Variants in CLHC1 observed in about 807,000 individuals in gnomAD.
CLHC1 encodes the protein clathrin heavy chain linker domain-containing protein 1.
A neutral mutation model predicts 69.5 loss-of-function variants in CLHC1; 72 were observed. The ratio of observed to expected loss-of-function variants is 1.04; its 90% CI spans 0.86 to 1.26. CLHC1 has a LOEUF of 1.26. Ranked by LOEUF, CLHC1 falls within the 50% of genes most tolerant of loss-of-function variation. The pLI is 0.00. For synonymous variants in CLHC1, 223 were observed against 224.3 expected, an observed-to-expected ratio of 0.99 and a Z score of 0.05; for missense variants, 790 against 679.3, an observed-to-expected ratio of 1.16 and a Z score of -1.81.
At chr2:55,228,728 T>C (rs990989633) in intron 1 of CLHC1, among the ~76,000 whole-genome samples, 1 of 152,198 alleles carries the variant, frequency 6.6e-6, no homozygotes, top group Non-Finnish European at 1.5e-5. Flanking sequence ...CTACATTTAT[T>C]TATTCAATAT....
intron 9 of CLHC1, among the ~76,000 whole-genome samples, chr2:55,188,602 A>G (rs1464193870): frequency 2.6e-5 from 4 of 152,212 alleles, no homozygotes; most frequent in Non-Finnish European, 5.9e-5. Context: ...TCTTAGATAC[A>G]TATCCCAGAG....
chr2:55,228,472 T>C (rs570540872), intron 1 of CLHC1, among the ~76,000 whole-genome samples: 1 of 151,334 alleles, frequency 6.6e-6, no homozygotes, highest in South Asian at 2.1e-4. Context: ...AAGATTACCA[T>C]TCATTCATTC....
At chr2:55,209,873 T>G (rs376765923) in intron 5 of CLHC1, 42 bp from the exon 6 acceptor site, 3 of 1,310,662 alleles carry the variant, frequency 2.3e-6, no homozygotes, top group Non-Finnish European at 3.3e-6. Flanking sequence ...AAGCCATGTG[T>G]GGGACGCTTG....
At position 55,181,729 on chromosome 2, in the gene CLHC1, C is replaced by T. The variant is rs771026036; in HGVS notation, c.1022G>A (p.Arg341Lys). The change falls in exon 10 of 13, where the codon AGA becomes AAA. Residue 341 changes from arginine (R) to lysine (K), a missense_variant. Coordinates refer to ENST00000401408, the MANE Select transcript of CLHC1 (RefSeq NM_152385.4). ...MNTFKAVGKIRGKPLPLLLFF... is the reference protein window; with the variant it reads ...MNTFKAVGKIKGKPLPLLLFF... ...TAAGAGTAATGGAAGAGGCTTTCCT[C>T]TAATTTTTCCAACAGCTACAGAAAG... 12 of 1,611,410 alleles carry T rather than the reference C, an allele frequency of 7.4e-6. No individual in the cohort carries two copies. The highest frequency in any genetic ancestry group is 1.0e-5 in the Non-Finnish European group (12 of 1,179,348).
intron 9 of CLHC1, among the ~76,000 whole-genome samples, chr2:55,196,735 T>A (rs1671458065): frequency 6.6e-6 from 1 of 152,198 alleles, no homozygotes; most frequent in African/African-American, 2.4e-5. Context: ...GACTCTGAGA[T>A]ATGCTGACTT....
intron 2 of CLHC1, among the ~76,000 whole-genome samples, chr2:55,223,818 C>T (rs565643423): frequency 1.3e-5 from 2 of 151,002 alleles, no homozygotes; most frequent in African/African-American, 2.4e-5. Flanking sequence ...TTTTTTGAGA[C>T]GGAGTCTCGC....
At chr2:55,216,624 C>T (rs1328790750) in intron 4 of CLHC1, among the ~76,000 whole-genome samples, 1 of 151,932 alleles carries the variant, frequency 6.6e-6, no homozygotes, top group Non-Finnish European at 1.5e-5. Flanking sequence ...GTATCCATCT[C>T]TCAAGCTCAA....
At chr2:55,212,840 A>G (rs1055971419) in intron 4 of CLHC1, 34 bp from the exon 5 acceptor site, 2 of 1,506,060 alleles carry the variant, frequency 1.3e-6, no homozygotes, top group Non-Finnish European at 1.8e-6. Context: ...ATGTCTTTCA[A>G]CTAACTTAAT....
intron 9 of CLHC1, among the ~76,000 whole-genome samples, chr2:55,182,918 A>G (rs1275979118): frequency 6.6e-6 from 1 of 152,144 alleles, no homozygotes; most frequent in Non-Finnish European, 1.5e-5. Context: ...TCCTGAATCA[A>G]TAAAAGGCAC....
chr2:55,177,771 C>T lies in CLHC1; in HGVS notation c.1395G>A (p.Leu465=). The part of the protein sequence containing the change: ...QLKDFTTDDL[L]QLLMSCPQVE... ...CTTGGGGACATGACATTAATAGCTG[C>T]AACAGGTCATCTGAAGGCAAAAATG... The change falls in exon 12 of 13, where the codon TTG becomes TTA. Residue 465 remains leucine, a synonymous_variant. Coordinates refer to ENST00000401408, the MANE Select transcript of CLHC1 (RefSeq NM_152385.4). 6.2e-7 allele frequency: 1 copy of T among 1,604,062 alleles called. No individual in the cohort carries two copies. The highest frequency in any genetic ancestry group is 8.5e-7 in the Non-Finnish European group (1 of 1,176,052).
At chr2:55,223,718 G>T (rs1294219756) in intron 2 of CLHC1, among the ~76,000 whole-genome samples, 1 of 152,102 alleles carries the variant, frequency 6.6e-6, no homozygotes, top group Admixed American at 6.5e-5. Context: ...GCCCCCAGGA[G>T]CCTCGGCAGG....
chr2:55,231,120 G>A (rs1269820865), intron 1 of CLHC1, among the ~76,000 whole-genome samples: 2 of 151,902 alleles, frequency 1.3e-5, no homozygotes, highest in African/African-American at 4.8e-5. Context: ...TGTGGTGGTG[G>A]GCGCCTGTAA....
At chr2:55,195,198 A>T (rs1420151520) in intron 9 of CLHC1, among the ~76,000 whole-genome samples, 2 of 151,926 alleles carry the variant, frequency 1.3e-5, no homozygotes, top group Non-Finnish European at 2.9e-5. Flanking sequence ...TCCCCCACCT[A>T]CCCTGTCCTT....
At position 55,185,160 on chromosome 2, in the gene CLHC1, T is replaced by C. The variant is rs1312701067; in HGVS notation, c.1007-3416A>G. ...AAGCCAGAAAATAGAGAGTAGAAACTAGCATAGCAGACGCAGAGCCTTAAA... is the reference window on the plus strand; with the variant it reads ...AAGCCAGAAAATAGAGAGTAGAAACCAGCATAGCAGACGCAGAGCCTTAAA... On this transcript the variant is annotated intron_variant, in intron 9 of 12. Transcript: ENST00000401408. 2.0e-5 allele frequency among the ~76,000 whole-genome samples: 3 copies of C among 152,044 alleles called. No individual in the cohort carries two copies. In the South Asian group the frequency reaches 6.2e-4, roughly 32 times the overall value.
At chr2:55,177,947 C>T (rs1393745911) in intron 11 of CLHC1, among the ~76,000 whole-genome samples, 166 bp from the exon 12 acceptor site, 4 of 115,498 alleles carry the variant, frequency 3.5e-5, no homozygotes, top group Non-Finnish European at 6.2e-5. Context: ...TCCCCTAGCC[C>T]CCGTCAAAAA....
chr2:55,175,593 G>T lies in CLHC1; in HGVS notation c.*197C>A. On this transcript the variant is annotated 3_prime_UTR_variant, in exon 13 of 13. Coordinates refer to ENST00000401408, the MANE Select transcript of CLHC1 (RefSeq NM_152385.4). Reference sequence around the variant, plus strand: ...TTTATCAAGATTCAATATAAGAAATGACCATATGGGGAAAAGGAAGCAATA... The same window carrying T: ...TTTATCAAGATTCAATATAAGAAATTACCATATGGGGAAAAGGAAGCAATA... 3.8e-6 allele frequency: 2 copies of T among 520,076 alleles called. No homozygotes were observed. The highest frequency in any genetic ancestry group is 2.9e-5 in the East Asian group (1 of 34,178). 32.2% of individuals were successfully genotyped at this position (520,076 alleles called of 1,614,324 possible). A position where few individuals can be genotyped will look rare whatever the true frequency, so the allele number is the denominator to read the frequency against.
chr2:55,196,252 G>A (rs1004732111), intron 9 of CLHC1, among the ~76,000 whole-genome samples: 8 of 152,130 alleles, frequency 5.3e-5, no homozygotes, highest in Admixed American at 3.9e-4. Context: ...CTTGAAAGGC[G>A]GTCTGCACCA....
In CLHC1 at chr2:55,175,269, T is replaced by A. The variant is rs749520565; in HGVS notation, c.*521A>T. 6.6e-6 allele frequency: 1 copy of A among 152,562 alleles called. No homozygotes were observed. The highest frequency in any genetic ancestry group is 1.5e-5 in the Non-Finnish European group (1 of 68,302). The allele number at this position is 152,562 out of a possible 1,614,324, so 9.5% of individuals were successfully genotyped here. ...AGCTTTTATACTAGAAGCCTAAGCT[T>A]TGCCATATTTATATATATCAAAGCA... is the stretch of plus-strand genomic sequence containing the variant. On this transcript the variant is annotated 3_prime_UTR_variant, in exon 13 of 13. Transcript: ENST00000401408.
In CLHC1 at chr2:55,177,730, C is replaced by A. The variant is rs568759143; in HGVS notation, c.1436G>T (p.Cys479Phe). The change falls in exon 12 of 13, where the codon TGT (cysteine) becomes TTT (phenylalanine). Residue 479 changes from cysteine (C) to phenylalanine (F), a missense_variant. Cys to Phe is a radical substitution (Grantham distance 205). Coordinates refer to ENST00000401408, the MANE Select transcript of CLHC1 (RefSeq NM_152385.4). The part of the protein sequence containing the change: ...MSCPQVELIQ[C>F]LTKELNEKQP... ...TTTCTCATTCAACTCTTTAGTGAGA[C>A]ACTGAATTAATTCAACTTGGGGACA... 15 of 1,612,782 alleles carry A rather than the reference C, an allele frequency of 9.3e-6. No individual in the cohort carries two copies. In the East Asian group the frequency reaches 2.9e-4, roughly 31 times the overall value.
Sources: allele counts gnomAD v4.1 joint callset (sites outside exome capture counted in the v4.1 genomes callset), GRCh38; gene constraint gnomAD v4.1.1; transcripts MANE v1.5; gene names NCBI Gene and HGNC (gene_info 2026-07-23, HGNC 2026-07-21).